ACTR3C: variants seen among roughly 807,000 people sequenced by gnomAD.
ACTR3C encodes the protein actin-related protein 3C.
In ACTR3C, 18 loss-of-function variants were observed where a neutral mutation model predicts 26.3. That is an observed-to-expected ratio of 0.68 (90% confidence interval 0.47 to 1.01). The LOEUF (loss-of-function observed/expected upper bound fraction) is 1.01. Ranked by LOEUF, ACTR3C falls within the 50% of genes least tolerant of loss-of-function variation. The pLI is 0.00. For missense variants in ACTR3C, 184 were observed against 250.7 expected (o/e 0.73, Z 1.80); for synonymous variants, 55 against 94.5 (o/e 0.58, Z 2.42).
chr7:150,192,775 C>T, the ACTR3C span, among the ~76,000 whole-genome samples: 2 of 152,194 alleles, frequency 1.3e-5, no homozygotes, highest in South Asian at 4.1e-4. Context: ...TCATGGTGAA[C>T]CTTTTGTCCT....
chr7:150,197,815 T>C, the ACTR3C span, among the ~76,000 whole-genome samples: 1 of 151,606 alleles, frequency 6.6e-6, no homozygotes, highest in Admixed American at 6.5e-5. Context: ...ATTGAGTAAC[T>C]TCCACTGGAA....
the ACTR3C span, among the ~76,000 whole-genome samples, chr7:150,223,138 T>C: frequency 6.6e-6 from 1 of 152,244 alleles, no homozygotes; most frequent in Admixed American, 6.5e-5. Context: ...TTTATCACCA[T>C]AGACTAGCTT....
At chr7:149,927,659 C>T in the ACTR3C span, among the ~76,000 whole-genome samples, 8 of 147,250 alleles carry the variant, frequency 5.4e-5, no homozygotes, top group African/African-American at 1.7e-4. Flanking sequence ...ACCCGGGAGG[C>T]GGAGGTTGTG....
At chr7:150,265,671 G>A (rs558363455) in intron 6 of ACTR3C, among the ~76,000 whole-genome samples, 15 of 152,230 alleles carry the variant, frequency 9.9e-5, no homozygotes, top group African/African-American at 3.6e-4. Context: ...TCCACCCTGG[G>A]CAACTCCATC....
the ACTR3C span, among the ~76,000 whole-genome samples, chr7:150,150,448 T>C: frequency 6.6e-6 from 1 of 151,958 alleles, no homozygotes; most frequent in East Asian, 2.0e-4. Context: ...AATCACCCTC[T>C]TAGTGTCAAA....
At chr7:150,139,762 T>C in the ACTR3C span, among the ~76,000 whole-genome samples, 2 of 152,086 alleles carry the variant, frequency 1.3e-5, no homozygotes, top group South Asian at 2.1e-4. Context: ...CCCCCACACA[T>C]GGGTCTTTAG....
the ACTR3C span, among the ~76,000 whole-genome samples, chr7:150,139,243 C>T: frequency 6.6e-6 from 1 of 152,246 alleles, no homozygotes; most frequent in East Asian, 1.9e-4. Context: ...TCACAGACAG[C>T]AGCGAGGGAA....
the ACTR3C span, among the ~76,000 whole-genome samples, chr7:150,213,152 A>C: frequency 1.3e-5 from 2 of 152,266 alleles, no homozygotes; most frequent in East Asian, 3.9e-4. Flanking sequence ...ATCAAGCTGG[A>C]GAATAGTACC....
chr7:149,942,589 C>T, the ACTR3C span, among the ~76,000 whole-genome samples: 10 of 150,620 alleles, frequency 6.6e-5, no homozygotes, highest in Non-Finnish European at 1.5e-4. Context: ...CACACAAACA[C>T]ACACAAAAGG....
the ACTR3C span, among the ~76,000 whole-genome samples, chr7:149,882,330 CG>C: frequency 6.6e-6 from 1 of 152,188 alleles, no homozygotes; most frequent in Admixed American, 6.5e-5. Flanking sequence ...GACACTCTCC[CG>C]GGATGTGTGT....
At chr7:150,299,371 A>G (rs1479420879) in intron 1 of ACTR3C, among the ~76,000 whole-genome samples, 3 of 145,768 alleles carry the variant, frequency 2.1e-5, no homozygotes, top group Non-Finnish European at 3.0e-5. Flanking sequence ...GGATCACTCC[A>G]GCCCAGGAGG....
the ACTR3C span, among the ~76,000 whole-genome samples, chr7:150,035,466 G>A: frequency 9.3e-6 from 1 of 108,070 alleles, no homozygotes; most frequent in East Asian, 2.5e-4. Context: ...CCCCCGTTGC[G>A]ATGGGGGTAG....
intron 6 of ACTR3C, among the ~76,000 whole-genome samples, chr7:150,250,011 T>C (rs1385569092): frequency 6.6e-6 from 1 of 152,068 alleles, no homozygotes; most frequent in Non-Finnish European, 1.5e-5. Flanking sequence ...GCATGTCGCA[T>C]GTGCAATGGG....
At chr7:149,980,072 G>A in the ACTR3C span, among the ~76,000 whole-genome samples, 1 of 152,162 alleles carries the variant, frequency 6.6e-6, no homozygotes, top group Non-Finnish European at 1.5e-5. Context: ...AAAGAGACAG[G>A]TCTTGACTAA....
chr7:150,095,472 T>C, the ACTR3C span, among the ~76,000 whole-genome samples: 1 of 150,790 alleles, frequency 6.6e-6, no homozygotes, highest in Non-Finnish European at 1.5e-5. Flanking sequence ...GGAACTGTGA[T>C]GAAAGGTCTC....
chr7:150,070,770 CA>C, the ACTR3C span, among the ~76,000 whole-genome samples: 5 of 150,342 alleles, frequency 3.3e-5, no homozygotes, highest in Non-Finnish European at 5.9e-5. Flanking sequence ...TAATTTTTGA[CA>C]TAAGGCAATT....
At chr7:150,037,132 G>A in the ACTR3C span, among the ~76,000 whole-genome samples, 6 of 54,804 alleles carry the variant, frequency 1.1e-4, no homozygotes, top group African/African-American at 5.0e-4. Context: ...CTGGCTCTCA[G>A]TCCCTGCCTC....
intron 3 of ACTR3C, among the ~76,000 whole-genome samples, chr7:150,292,581 A>G (rs1023011536): frequency 2.7e-5 from 4 of 149,916 alleles, no homozygotes; most frequent in African/African-American, 9.9e-5. Flanking sequence ...GCTCACTGCA[A>G]CCTCCATCTC....
chr7:150,085,994 T>C, the ACTR3C span, among the ~76,000 whole-genome samples: 5 of 151,728 alleles, frequency 3.3e-5, no homozygotes, highest in African/African-American at 1.2e-4. Flanking sequence ...TTTTTTTTTT[T>C]GACACAGAGT....
Sources: allele counts gnomAD v4.1 joint callset (sites outside exome capture counted in the v4.1 genomes callset), GRCh38; gene constraint gnomAD v4.1.1; transcripts MANE v1.5; gene names NCBI Gene and HGNC (gene_info 2026-07-23, HGNC 2026-07-21).